The following CAMTA1 variants were observed in gnomAD, a reference collection of about 807,000 sequenced individuals.
The protein encoded by CAMTA1 is calmodulin-binding transcription activator 1.
CAMTA1 carries 27 observed loss-of-function variants against 170.9 expected under a neutral mutation model. The ratio of observed to expected loss-of-function variants is 0.16; its 90% CI spans 0.12 to 0.22. The LOEUF (loss-of-function observed/expected upper bound fraction) is 0.22. CAMTA1 is among the 10% of genes least tolerant of loss of function. CAMTA1 has a pLI of 1.00. For synonymous variants in CAMTA1, 833 were observed against 891.5 expected (o/e 0.93, Z 1.17); for missense variants, 1,619 against 2,217.2 (o/e 0.73, Z 5.42).
chr1:7,014,737 C>T lies in CAMTA1; in HGVS notation c.235-76567C>T, dbSNP rs7517245. ...CTCCTCGTAAGAGGTGGGACTCAGC[C>T]GAGGGGGCCAGTCTAGAGGTTACAC... On this transcript the variant is annotated intron_variant, in intron 3 of 22. Transcript: ENST00000303635. This position sits in a 1 kb window ranked among gnomAD's most constrained non-coding sequence, Gnocchi z 4.2. 0.078 allele frequency among the ~76,000 whole-genome samples: 11,835 copies of T among 152,102 alleles called. 556 individuals are homozygous for T. Among genetic ancestry groups the T allele is most frequent in the Middle Eastern group, 0.17 (50 of 294 alleles).
At chr1:7,318,170 C>T (rs1444290927) in intron 5 of CAMTA1, among the ~76,000 whole-genome samples, 2 of 152,222 alleles carry the variant, frequency 1.3e-5, no homozygotes, top group South Asian at 4.1e-4. Context: ...GAGAACAGGC[C>T]TGTGTTCCTC....
chr1:6,787,113 C>T (rs528698517), intron 1 of CAMTA1, among the ~76,000 whole-genome samples: 6 of 152,368 alleles, frequency 3.9e-5, no homozygotes, highest in African/African-American at 1.4e-4. Context: ...AACTCATATC[C>T]TCCTCTGTGG....
chr1:7,295,338 C>T (rs967439333), intron 5 of CAMTA1, among the ~76,000 whole-genome samples: 1 of 152,136 alleles, frequency 6.6e-6, no homozygotes, highest in Non-Finnish European at 1.5e-5. Context: ...CTCAGTGCCC[C>T]GGGGTTGAGA....
chr1:7,742,359 A>G (rs1223270332), intron 16 of CAMTA1, among the ~76,000 whole-genome samples: 3 of 152,098 alleles, frequency 2.0e-5, no homozygotes, highest in Non-Finnish European at 4.4e-5. Context: ...TTGATTTCAT[A>G]TATATTTACT....
chr1:6,875,586 A>G (rs954308910), intron 3 of CAMTA1, among the ~76,000 whole-genome samples: 4 of 152,096 alleles, frequency 2.6e-5, no homozygotes, highest in Non-Finnish European at 5.9e-5. Context: ...TGCCTGGCCC[A>G]GACCTTTTAA....
chr1:6,891,984 G>T (rs1674594411), intron 3 of CAMTA1, among the ~76,000 whole-genome samples: 1 of 152,164 alleles, frequency 6.6e-6, no homozygotes, highest in Non-Finnish European at 1.5e-5. Context: ...CAGAGTTAGA[G>T]CCCAGGTCCA....
intron 3 of CAMTA1, among the ~76,000 whole-genome samples, chr1:7,000,505 G>C (rs1026767123): frequency 7.2e-5 from 11 of 152,170 alleles, no homozygotes; most frequent in African/African-American, 2.7e-4. Context: ...ATGGAGCGGG[G>C]CCTGGAAAAC....
At chr1:7,654,953 CACAA>C (rs2095874692) in intron 7 of CAMTA1, among the ~76,000 whole-genome samples, 1 of 148,856 alleles carries the variant, frequency 6.7e-6, no homozygotes, top group Non-Finnish European at 1.5e-5. Flanking sequence ...CCTATACACA[CACAA>C]ACACACCCAC....
intron 6 of CAMTA1, among the ~76,000 whole-genome samples, chr1:7,535,082 C>G (rs1157700556): frequency 6.7e-6 from 1 of 148,616 alleles, no homozygotes; most frequent in Admixed American, 6.7e-5. Context: ...CCACCCCGGG[C>G]CAGCCACCCA....
chr1:6,792,059 T>C (rs1411174513), intron 1 of CAMTA1, among the ~76,000 whole-genome samples: 2 of 152,030 alleles, frequency 1.3e-5, no homozygotes, highest in Non-Finnish European at 1.5e-5. Context: ...GTTCAAGCGA[T>C]TGTCCTGCTT....
chr1:7,731,571 CAA>C lies in CAMTA1; in HGVS notation c.2915-862_2915-861del, dbSNP rs536530455. ...TGGGCGACACCATGACACTCTGTCT[CAA>C]AAAAAAAAAAAAAAGAAAAGAAAGA... is the stretch of plus-strand genomic sequence containing the variant. On this transcript the variant is annotated intron_variant, in intron 11 of 22. Coordinates refer to ENST00000303635, the MANE Select transcript of CAMTA1 (RefSeq NM_015215.4). Among the ~76,000 whole-genome samples the C allele has an allele frequency of 1.4e-3, 119 of 86,938 alleles. 1 individual carries two copies. Among genetic ancestry groups the C allele is most frequent in the African/African-American group, 4.2e-3 (98 of 23,400 alleles). 57.0% of individuals were successfully genotyped at this position (86,938 alleles called of 152,430 possible). A position where few individuals can be genotyped will look rare whatever the true frequency, so the allele number is the denominator to read the frequency against.
chr1:7,066,683 C>G (rs560841744), intron 3 of CAMTA1, among the ~76,000 whole-genome samples: 2 of 152,322 alleles, frequency 1.3e-5, no homozygotes, highest in African/African-American at 4.8e-5. Context: ...GTTAAGTAAA[C>G]AGTTGCATTC....
intron 6 of CAMTA1, among the ~76,000 whole-genome samples, chr1:7,515,612 C>T (rs2094273134): frequency 6.6e-6 from 1 of 152,130 alleles, no homozygotes; most frequent in African/African-American, 2.4e-5. Flanking sequence ...CTTCTCCCTA[C>T]ACCCTATTCC....
intron 5 of CAMTA1, among the ~76,000 whole-genome samples, chr1:7,310,250 C>G (rs1676252837): frequency 6.6e-6 from 1 of 152,210 alleles, no homozygotes; most frequent in Admixed American, 6.5e-5. Context: ...AAATGTTTCA[C>G]TTCTTTCTGG....
At chr1:7,263,978 A>G (rs950805056) in intron 5 of CAMTA1, among the ~76,000 whole-genome samples, 2 of 152,176 alleles carry the variant, frequency 1.3e-5, no homozygotes, top group African/African-American at 4.8e-5. Flanking sequence ...GCTCATTTCA[A>G]TATATGTTAG....
chr1:7,341,114 G>A (rs916078423), intron 5 of CAMTA1, among the ~76,000 whole-genome samples: 5 of 152,186 alleles, frequency 3.3e-5, no homozygotes, highest in African/African-American at 4.8e-5. Flanking sequence ...AAGGGTCTCC[G>A]AGGTGGAACA....
chr1:7,734,432 C>T (rs542360631), intron 12 of CAMTA1, among the ~76,000 whole-genome samples: 2 of 152,214 alleles, frequency 1.3e-5, no homozygotes, highest in African/African-American at 2.4e-5. Flanking sequence ...GGCCTAGAAT[C>T]TCATCCCATG....
chr1:6,807,432 A>C (rs1255958917), intron 1 of CAMTA1, among the ~76,000 whole-genome samples: 1 of 152,186 alleles, frequency 6.6e-6, no homozygotes, highest in East Asian at 1.9e-4. Context: ...ACAGAAATCT[A>C]GGCTTTTGGT....
intron 6 of CAMTA1, among the ~76,000 whole-genome samples, chr1:7,617,680 G>T (rs1234312156): frequency 6.6e-6 from 1 of 151,712 alleles, no homozygotes; most frequent in African/African-American, 2.4e-5. Flanking sequence ...AAGGACTTTG[G>T]TCATGCACAC....
Sources: gnomAD v4.1 joint callset for allele counts (sites outside exome capture counted in the v4.1 genomes callset) on GRCh38, gnomAD v4.1.1 for gene constraint, Gnocchi (gnomAD v3.1) non-coding constraint, MANE v1.5 for transcripts, NCBI Gene and HGNC (gene_info 2026-07-23, HGNC 2026-07-21) for gene names.